Variants in RANBP2 observed in about 807,000 individuals in gnomAD.
The protein encoded by RANBP2 is RAN binding protein 2, also known as E3 SUMO-protein ligase RanBP2.
In RANBP2, 57 loss-of-function variants were observed where a neutral mutation model predicts 303.6. The ratio of observed to expected loss-of-function variants is 0.19; its 90% CI spans 0.15 to 0.23. The LOEUF (loss-of-function observed/expected upper bound fraction) is 0.23, where lower values mean the gene tolerates loss of function less well. Among genes scored for constraint, RANBP2 ranks in the 10% least tolerant of loss-of-function variants. RANBP2 has a pLI of 1.00. For missense variants in RANBP2, 3,138 were observed against 3,780.8 expected (o/e 0.83, Z 4.46); for synonymous variants, 1,167 against 1,301.5 (o/e 0.90, Z 2.23).
chr2:108,949,308 A>T, the RANBP2 span, among the ~76,000 whole-genome samples: 1 of 152,244 alleles, frequency 6.6e-6, no homozygotes, highest in African/African-American at 2.4e-5. Context: ...AATAAAAGCA[A>T]TAATACAAGT....
At chr2:108,794,071 G>A in the RANBP2 span, among the ~76,000 whole-genome samples, 1 of 152,096 alleles carries the variant, frequency 6.6e-6, no homozygotes, top group Admixed American at 6.5e-5. Context: ...AGAGGTTATA[G>A]AAATTATGTT....
the RANBP2 span, among the ~76,000 whole-genome samples, chr2:108,962,674 CAAAAAAAAAAA>C: frequency 4.5e-5 from 3 of 66,886 alleles, no homozygotes; most frequent in East Asian, 1.3e-3. Flanking sequence ...GACTCTGTCT[CAAAAAAAAAAA>C]AAAAAAAAAA....
the RANBP2 span, among the ~76,000 whole-genome samples, chr2:109,254,747 C>T: frequency 4.6e-5 from 7 of 152,190 alleles, no homozygotes; most frequent in South Asian, 2.1e-4. Flanking sequence ...CTCTCATTGC[C>T]GGGACTTTAG....
the RANBP2 span, among the ~76,000 whole-genome samples, chr2:109,191,976 C>T: frequency 2.6e-5 from 4 of 152,272 alleles, no homozygotes; most frequent in Admixed American, 1.3e-4. Flanking sequence ...CCTCACACTC[C>T]AGCCCCTACA....
intron 6 of RANBP2, among the ~76,000 whole-genome samples, chr2:108,736,557 T>C (rs1016110223): frequency 6.6e-6 from 1 of 152,242 alleles, no homozygotes; most frequent in African/African-American, 2.4e-5. Flanking sequence ...TGCTATTTCA[T>C]ATTTTATTTT....
At chr2:109,350,994 G>A in the RANBP2 span, among the ~76,000 whole-genome samples, 1 of 152,242 alleles carries the variant, frequency 6.6e-6, no homozygotes, top group African/African-American at 2.4e-5. Context: ...GTTTGCTTTT[G>A]AATAGTCCTG....
the RANBP2 span, among the ~76,000 whole-genome samples, chr2:109,729,378 GGT>G: frequency 6.6e-6 from 1 of 152,180 alleles, no homozygotes; most frequent in African/African-American, 2.4e-5. Context: ...TGGGAGCAGT[GGT>G]TCATGCCTGT....
At chr2:109,682,588 C>T in the RANBP2 span, among the ~76,000 whole-genome samples, 4 of 152,112 alleles carry the variant, frequency 2.6e-5, no homozygotes, top group African/African-American at 9.7e-5. Context: ...CGGGTCAGAC[C>T]TGCCAAGGAG....
chr2:109,037,724 A>G, the RANBP2 span, among the ~76,000 whole-genome samples: 1 of 152,216 alleles, frequency 6.6e-6, no homozygotes, highest in Non-Finnish European at 1.5e-5. Context: ...AAAGAAAATT[A>G]TATACTTGGG....
chr2:108,906,181 A>T, the RANBP2 span: 1 of 943,880 alleles, frequency 1.1e-6, no homozygotes, highest in Non-Finnish European at 1.7e-6. Flanking sequence ...GGCCATTCTG[A>T]CCAAAGTGCG....
At chr2:108,730,637 C>G (rs1040036123) in intron 2 of RANBP2, 137 bp from the exon 3 acceptor site, 2 of 1,220,910 alleles carry the variant, frequency 1.6e-6, no homozygotes, top group South Asian at 1.3e-5. Flanking sequence ...TCTGAGTTAT[C>G]TGTATGAATA....
the RANBP2 span, among the ~76,000 whole-genome samples, chr2:108,865,181 A>G: frequency 6.6e-6 from 1 of 152,132 alleles, no homozygotes; most frequent in Non-Finnish European, 1.5e-5. Flanking sequence ...TTATATCTTG[A>G]AGATCTTATA....
the RANBP2 span, among the ~76,000 whole-genome samples, chr2:109,126,707 G>A: frequency 1.3e-5 from 2 of 152,228 alleles, no homozygotes; most frequent in South Asian, 2.1e-4. Context: ...ACACACTGCA[G>A]GCTCTATCTG....
chr2:108,978,417 C>G, the RANBP2 span, among the ~76,000 whole-genome samples: 2 of 152,136 alleles, frequency 1.3e-5, no homozygotes, highest in African/African-American at 2.4e-5. Flanking sequence ...TTGGTCGACT[C>G]TGCGTGTCTT....
the RANBP2 span, among the ~76,000 whole-genome samples, chr2:109,482,145 C>T: frequency 1.3e-5 from 2 of 152,116 alleles, no homozygotes; most frequent in African/African-American, 2.4e-5. Context: ...AGTTGATTAC[C>T]CTGTGTCTCT....
chr2:109,148,178 A>C, the RANBP2 span, among the ~76,000 whole-genome samples: 1 of 152,234 alleles, frequency 6.6e-6, no homozygotes, highest in African/African-American at 2.4e-5. Flanking sequence ...CGATGGTGGA[A>C]ACCTGGCTCT....
the RANBP2 span, among the ~76,000 whole-genome samples, chr2:109,111,738 C>T: frequency 2.0e-5 from 3 of 149,850 alleles, no homozygotes; most frequent in South Asian, 2.1e-4. Flanking sequence ...CCCATTAACT[C>T]GTCATTTAGC....
chr2:109,204,996 C>T, the RANBP2 span, among the ~76,000 whole-genome samples: 2 of 152,082 alleles, frequency 1.3e-5, no homozygotes, highest in Non-Finnish European at 1.5e-5. Flanking sequence ...TCACTTGAAG[C>T]CAGGAGGTTG....
At chr2:109,380,824 A>G in the RANBP2 span, among the ~76,000 whole-genome samples, 30,209 of 152,132 alleles carry the variant, frequency 0.2, 3,346 homozygotes, top group African/African-American at 0.29. Flanking sequence ...AACTTTTTAG[A>G]TTCCTCCCAA....
Sources: gnomAD v4.1 joint callset for allele counts (sites outside exome capture counted in the v4.1 genomes callset) on GRCh38, gnomAD v4.1.1 for gene constraint, MANE v1.5 for transcripts, NCBI Gene and HGNC (gene_info 2026-07-23, HGNC 2026-07-21) for gene names.